Variants in GRM8 observed in about 807,000 individuals in gnomAD.
The protein encoded by GRM8 is metabotropic glutamate receptor 8.
GRM8 carries 47 observed loss-of-function variants against 87.2 expected under a neutral mutation model. That is an observed-to-expected ratio of 0.54 (90% CI 0.43 to 0.69). GRM8 has a LOEUF of 0.69. Ranked by LOEUF, GRM8 falls within the 30% of genes least tolerant of loss-of-function variation. GRM8 has a pLI of 0.00. For missense variants in GRM8, 1,019 were observed against 1,139.2 expected, an observed-to-expected ratio of 0.89 and a Z score of 1.52; for synonymous variants, 396 against 404.5, an observed-to-expected ratio of 0.98 and a Z score of 0.25.
intron 7 of GRM8, among the ~76,000 whole-genome samples, chr7:126,678,431 G>A (rs1053198090): frequency 6.6e-6 from 1 of 152,174 alleles, no homozygotes; most frequent in African/African-American, 2.4e-5. Flanking sequence ...AAAAGCCACT[G>A]AGTGTTATAT....
intron 3 of GRM8, among the ~76,000 whole-genome samples, chr7:126,940,053 G>C (rs1037107148): frequency 2.0e-5 from 3 of 152,126 alleles, no homozygotes; most frequent in African/African-American, 7.2e-5. Context: ...GGTGGACCAG[G>C]GGCCTTTATC....
At chr7:126,610,063 A>G (rs1432717523) in intron 7 of GRM8, among the ~76,000 whole-genome samples, 1 of 152,210 alleles carries the variant, frequency 6.6e-6, no homozygotes, top group Non-Finnish European at 1.5e-5. Context: ...ATCTATGGGA[A>G]GTCCCAACTC....
intron 3 of GRM8, among the ~76,000 whole-genome samples, chr7:127,100,155 T>C (rs1393930703): frequency 6.6e-6 from 1 of 152,134 alleles, no homozygotes; most frequent in Admixed American, 6.5e-5. Flanking sequence ...AGATGATAAA[T>C]TTCTATTATT....
intron 3 of GRM8, among the ~76,000 whole-genome samples, chr7:127,014,037 A>G (rs1302923215): frequency 6.6e-6 from 1 of 152,206 alleles, no homozygotes; most frequent in Non-Finnish European, 1.5e-5. Context: ...GGGCCACAGC[A>G]GAAATGTAAA....
intron 5 of GRM8, 130 bp from the exon 6 acceptor site, chr7:126,902,809 A>C (rs974123289): frequency 1.2e-5 from 7 of 586,730 alleles, no homozygotes; most frequent in Non-Finnish European, 2.0e-5. Context: ...AAATGAGAGA[A>C]AGCCAGTAGC....
intron 6 of GRM8, among the ~76,000 whole-genome samples, chr7:126,875,875 T>C (rs1011639391): frequency 1.3e-5 from 2 of 152,112 alleles, no homozygotes. Flanking sequence ...TGTGCTCTGG[T>C]ACAAAAATGC....
At chr7:127,118,056 C>A (rs1271245199) in intron 2 of GRM8, among the ~76,000 whole-genome samples, 1 of 152,190 alleles carries the variant, frequency 6.6e-6, no homozygotes, top group African/African-American at 2.4e-5. Context: ...AAATCTTAGT[C>A]TTCAAGTCAT....
chr7:127,153,508 T>C (rs772154651), intron 2 of GRM8, among the ~76,000 whole-genome samples: 3 of 152,106 alleles, frequency 2.0e-5, no homozygotes, highest in African/African-American at 7.2e-5. Context: ...CTCTGTGAAG[T>C]AGTAGAAAGT....
chr7:126,754,142 T>C (rs1226758571), intron 7 of GRM8, among the ~76,000 whole-genome samples: 1 of 151,900 alleles, frequency 6.6e-6, no homozygotes. Context: ...ACAGGGTTAA[T>C]TTTTTATGTT....
chr7:126,875,642 A>G (rs1799469013), intron 6 of GRM8, among the ~76,000 whole-genome samples: 1 of 152,170 alleles, frequency 6.6e-6, no homozygotes, highest in South Asian at 2.1e-4. Flanking sequence ...GATCAAAAGA[A>G]CTATCGTCTA....
chr7:126,837,786 A>G (rs910432275), intron 6 of GRM8, among the ~76,000 whole-genome samples: 1 of 152,334 alleles, frequency 6.6e-6, no homozygotes, highest in South Asian at 2.1e-4. Context: ...CCTGTCAGGT[A>G]TTGCAACAAA....
chr7:126,881,646 G>C (rs1011434531), intron 6 of GRM8, among the ~76,000 whole-genome samples: 15 of 152,134 alleles, frequency 9.9e-5, no homozygotes, highest in African/African-American at 3.6e-4. Flanking sequence ...CTGGAGGATG[G>C]CAATTTCTGA....
chr7:126,891,251 C>G (rs1480045443), intron 6 of GRM8, among the ~76,000 whole-genome samples: 1 of 152,010 alleles, frequency 6.6e-6, no homozygotes, highest in Non-Finnish European at 1.5e-5. Context: ...TATCCATCTA[C>G]TTCTGTCCAT....
At chr7:126,931,190 T>C (rs963721185) in intron 3 of GRM8, among the ~76,000 whole-genome samples, 1 of 152,218 alleles carries the variant, frequency 6.6e-6, no homozygotes. Context: ...GTGCCAGAGC[T>C]AACAAACCAC....
intron 6 of GRM8, among the ~76,000 whole-genome samples, chr7:126,850,609 A>G (rs1381096967): frequency 6.6e-6 from 1 of 152,222 alleles, no homozygotes; most frequent in South Asian, 2.1e-4. Flanking sequence ...CTGTGGACTG[A>G]GTGCTGTCTG....
chr7:126,812,993 G>A (rs1033093184), intron 6 of GRM8, among the ~76,000 whole-genome samples: 2 of 151,916 alleles, frequency 1.3e-5, no homozygotes, highest in Non-Finnish European at 2.9e-5. Context: ...TTACCTGTAT[G>A]TGTTTTTATG....
intron 3 of GRM8, among the ~76,000 whole-genome samples, chr7:126,924,254 G>C (rs1804852601): frequency 6.6e-6 from 1 of 152,148 alleles, no homozygotes; most frequent in African/African-American, 2.4e-5. Context: ...GAAATAAAAG[G>C]TATTGGATTC....
chr7:126,832,669 C>A (rs2157753), intron 6 of GRM8, among the ~76,000 whole-genome samples: 58,129 of 152,036 alleles, frequency 0.38, 12,629 homozygotes, highest in Non-Finnish European at 0.49. Flanking sequence ...AGAGTAGCTG[C>A]AGGCTTTCAT....
At chr7:126,923,210 G>T (rs1804721427) in intron 3 of GRM8, among the ~76,000 whole-genome samples, 1 of 152,004 alleles carries the variant, frequency 6.6e-6, no homozygotes, top group South Asian at 2.1e-4. Flanking sequence ...GTTTGTTTTG[G>T]TGGCATAATA....
Sources: gnomAD v4.1 joint callset for allele counts (sites outside exome capture counted in the v4.1 genomes callset) on GRCh38, gnomAD v4.1.1 for gene constraint, MANE v1.5 for transcripts, NCBI Gene and HGNC (gene_info 2026-07-23, HGNC 2026-07-21) for gene names.